MSRB3: variants seen among roughly 807,000 people sequenced by gnomAD.
MSRB3 encodes methionine sulfoxide reductase B3.
MSRB3 carries 13 observed loss-of-function variants against 21.0 expected under a neutral mutation model. The ratio of observed to expected loss-of-function variants is 0.62; its 90% confidence interval spans 0.40 to 0.98. The LOEUF is 0.98. Ranked by LOEUF, MSRB3 falls within the 50% of genes least tolerant of loss-of-function variation. MSRB3 has a pLI of 0.00. For synonymous variants in MSRB3, 87 were observed against 88.6 expected, an observed-to-expected ratio of 0.98 and a Z score of 0.10; for missense variants, 199 against 230.3, an observed-to-expected ratio of 0.86 and a Z score of 0.88.
chr12:65,352,071 A>C (rs1428392570), intron 4 of MSRB3, among the ~76,000 whole-genome samples: 5 of 152,078 alleles, frequency 3.3e-5, no homozygotes, highest in African/African-American at 1.2e-4. Flanking sequence ...TCAATAAAAT[A>C]CTGGCAAAAC....
chr12:65,457,461 A>C (rs1883142323), intron 6 of MSRB3, among the ~76,000 whole-genome samples: 1 of 152,058 alleles, frequency 6.6e-6, no homozygotes, highest in South Asian at 2.1e-4. Flanking sequence ...ATGAGTGAGA[A>C]CATGTGGTGT....
intron 2 of MSRB3, 181 bp downstream of exon 2, chr12:65,308,836 C>T: frequency 4.0e-6 from 3 of 750,292 alleles, no homozygotes; most frequent in Non-Finnish European, 6.7e-6. Flanking sequence ...TTTCCACAAT[C>T]CTTACAACCC....
At chr12:65,281,418 A>G (rs1345357712) in intron 1 of MSRB3, among the ~76,000 whole-genome samples, 1 of 152,170 alleles carries the variant, frequency 6.6e-6, no homozygotes, top group Non-Finnish European at 1.5e-5. Flanking sequence ...ATGTGGTTCA[A>G]ACTTCTGATT....
Position 65,278,717 on chromosome 12 carries a change from G to C in MSRB3, c.-200G>C. On this transcript the variant is annotated 5_prime_UTR_variant, in exon 1 of 7. Coordinates refer to ENST00000308259, the MANE Select transcript of MSRB3 (RefSeq NM_001031679.3). ...GCCGCCCCGTCCGTCGCCCGGAGCCGGGGAGGGAGGGAGCGAGGTTCGGAC... is the reference window on the plus strand; with the variant it reads ...GCCGCCCCGTCCGTCGCCCGGAGCCCGGGAGGGAGGGAGCGAGGTTCGGAC... The C allele has an allele frequency of 6.7e-7, 1 of 1,499,852 alleles. No individual in the cohort carries two copies. Among genetic ancestry groups the C allele is most frequent in the Non-Finnish European group, 9.1e-7 (1 of 1,102,384 alleles). The allele number at this position is 1,499,852 out of a possible 1,614,324, so 92.9% of individuals were successfully genotyped here.
intron 5 of MSRB3, among the ~76,000 whole-genome samples, chr12:65,416,525 C>A (rs1880984764): frequency 6.6e-6 from 1 of 152,216 alleles, no homozygotes; most frequent in Non-Finnish European, 1.5e-5. Context: ...GCCTACTACA[C>A]ACCTGGGCTC....
chr12:65,349,090 G>T (rs1300235414), intron 4 of MSRB3, among the ~76,000 whole-genome samples: 2 of 151,664 alleles, frequency 1.3e-5, no homozygotes, highest in Non-Finnish European at 1.5e-5. Flanking sequence ...CCCAGAGTGT[G>T]ATATTCCCCT....
At chr12:65,365,565 C>T (rs1028793155) in intron 4 of MSRB3, among the ~76,000 whole-genome samples, 5 of 152,112 alleles carry the variant, frequency 3.3e-5, no homozygotes, top group East Asian at 1.9e-4. Flanking sequence ...GCTTTCAAAC[C>T]TTTTTGTCCA....
intron 5 of MSRB3, among the ~76,000 whole-genome samples, 198 bp downstream of exon 5, chr12:65,369,224 C>T (rs1878186080): frequency 6.6e-6 from 1 of 152,086 alleles, no homozygotes; most frequent in African/African-American, 2.4e-5. Flanking sequence ...GTCTTCATAG[C>T]TCTGCAATAA....
At chr12:65,343,915 A>G (rs1186819732) in intron 4 of MSRB3, among the ~76,000 whole-genome samples, 1 of 152,102 alleles carries the variant, frequency 6.6e-6, no homozygotes, top group Non-Finnish European at 1.5e-5. Context: ...GGAAAAAGCT[A>G]TGATTAAGGT....
intron 1 of MSRB3, among the ~76,000 whole-genome samples, chr12:65,306,539 C>T (rs989490494): frequency 6.6e-6 from 1 of 152,188 alleles, no homozygotes; most frequent in African/African-American, 2.4e-5. Flanking sequence ...ACCTATGAAA[C>T]ACATTCTTTT....
intron 6 of MSRB3, among the ~76,000 whole-genome samples, chr12:65,457,378 A>C (rs1008862388): frequency 4.6e-5 from 7 of 151,900 alleles, no homozygotes; most frequent in African/African-American, 1.7e-4. Context: ...CTAGCCCCCA[A>C]TCACCTGACA....
At chr12:65,320,652 T>A (rs1874604915) in intron 2 of MSRB3, among the ~76,000 whole-genome samples, 1 of 152,194 alleles carries the variant, frequency 6.6e-6, no homozygotes, top group African/African-American at 2.4e-5. Flanking sequence ...TGCACTCTGA[T>A]CATACGTTGA....
chr12:65,457,430 C>T (rs1370429070), intron 6 of MSRB3, among the ~76,000 whole-genome samples: 1 of 152,064 alleles, frequency 6.6e-6, no homozygotes, highest in Non-Finnish European at 1.5e-5. Flanking sequence ...TCCATGTGTT[C>T]TCATTGTTCC....
intron 5 of MSRB3, among the ~76,000 whole-genome samples, chr12:65,430,814 T>C (rs536083795): frequency 6.2e-4 from 94 of 152,238 alleles, no homozygotes; most frequent in African/African-American, 2.2e-3. Flanking sequence ...GTTCTAGTTT[T>C]TAAAAATGGA....
intron 4 of MSRB3, among the ~76,000 whole-genome samples, chr12:65,350,051 T>C: frequency 6.6e-6 from 1 of 152,056 alleles, no homozygotes. Flanking sequence ...AGGTCTAACA[T>C]TTAAGTCTTT....
intron 6 of MSRB3, among the ~76,000 whole-genome samples, chr12:65,456,802 G>A (rs1394670728): frequency 1.3e-5 from 2 of 152,198 alleles, no homozygotes; most frequent in Non-Finnish European, 2.9e-5. Flanking sequence ...GAGAGAATGA[G>A]GTTCCAGCAC....
intron 5 of MSRB3, among the ~76,000 whole-genome samples, chr12:65,394,274 A>G (rs1464549187): frequency 6.6e-6 from 1 of 152,220 alleles, no homozygotes; most frequent in Non-Finnish European, 1.5e-5. Flanking sequence ...TGTTTTACTT[A>G]CGTAATAAAA....
intron 5 of MSRB3, among the ~76,000 whole-genome samples, chr12:65,448,914 A>G (rs1031394287): frequency 6.6e-6 from 1 of 152,210 alleles, no homozygotes; most frequent in Non-Finnish European, 1.5e-5. Flanking sequence ...TATTTGGTTG[A>G]TTGCCACTTA....
At chr12:65,418,997 C>T (rs1201181886) in intron 5 of MSRB3, 9 of 709,514 alleles carry the variant, frequency 1.3e-5, no homozygotes, top group East Asian at 5.4e-5. Flanking sequence ...AGCAGGATCC[C>T]GTTGAGTTGC....
Sources: allele counts gnomAD v4.1 joint callset (sites outside exome capture counted in the v4.1 genomes callset), GRCh38; gene constraint gnomAD v4.1.1; transcripts MANE v1.5; gene names NCBI Gene and HGNC (gene_info 2026-07-23, HGNC 2026-07-21).